The following COPE variants were observed in gnomAD, a reference collection of about 807,000 sequenced individuals.
The protein encoded by COPE is coat protein complex I subunit epsilon, also known as coatomer subunit epsilon.
In COPE, 19 loss-of-function variants were observed where a neutral mutation model predicts 42.1. The observed-to-expected ratio is 0.45, with a 90% CI of 0.31 to 0.66. The LOEUF (loss-of-function observed/expected upper bound fraction) is 0.66, where lower values mean the gene tolerates loss of function less well. Ranked by LOEUF, COPE falls within the 30% of genes least tolerant of loss-of-function variation. The probability of loss-of-function intolerance (pLI) is 0.05; values close to 1 mark genes in which losing one functional copy is unlikely to be tolerated. For missense variants in COPE, 402 were observed against 416.1 expected, an observed-to-expected ratio of 0.97 and a Z score of 0.30; for synonymous variants, 195 against 181.3, an observed-to-expected ratio of 1.08 and a Z score of -0.60.
intron 6 of COPE, among the ~76,000 whole-genome samples, chr19:18,904,294 A>C (rs1436276693): frequency 1.3e-5 from 2 of 152,220 alleles, no homozygotes; most frequent in Non-Finnish European, 2.9e-5. Flanking sequence ...GCCCACACAA[A>C]AGAGTGGCTC....
intron 2 of COPE, among the ~76,000 whole-genome samples, chr19:18,911,537 C>A (rs1173025708): frequency 2.0e-5 from 3 of 150,420 alleles, no homozygotes; most frequent in African/African-American, 7.5e-5. Context: ...GTGTTCCCTC[C>A]TAGATGGTTC....
intron 2 of COPE, 107 bp from the exon 3 acceptor site, chr19:18,911,178 A>C: frequency 1.0e-6 from 1 of 974,326 alleles, no homozygotes; most frequent in Non-Finnish European, 1.6e-6. Flanking sequence ...CCCACCAGGG[A>C]CCCCTCAGCC....
chr19:18,919,199 C>T, intron 1 of COPE, 24 bp downstream of exon 1: 1 of 1,596,402 alleles, frequency 6.3e-7, no homozygotes, highest in Non-Finnish European at 8.6e-7. Flanking sequence ...CCCCCAGCGT[C>T]CCCGCGCCCC....
chr19:18,910,801 TGCA>T, intron 3 of COPE, 167 bp downstream of exon 3: 3 of 632,654 alleles, frequency 4.7e-6, no homozygotes, highest in South Asian at 1.8e-5. Context: ...CCCACTGCTG[TGCA>T]GGTGAGGGAA....
At chr19:18,903,450 C>G in intron 6 of COPE, 27 bp from the exon 7 acceptor site, 1 of 1,580,232 alleles carries the variant, frequency 6.3e-7, no homozygotes. Context: ...GCATCATTGC[C>G]TGTGCCCCTG....
At chr19:18,910,175 G>A (rs538509751) in intron 3 of COPE, among the ~76,000 whole-genome samples, 2 of 152,294 alleles carry the variant, frequency 1.3e-5, no homozygotes, top group Admixed American at 1.3e-4. Flanking sequence ...GGTCCCCACA[G>A]CCCAGCCCCC....
At chr19:18,912,207 C>A (rs919791591) in intron 2 of COPE, among the ~76,000 whole-genome samples, 1 of 151,830 alleles carries the variant, frequency 6.6e-6, no homozygotes, top group African/African-American at 2.4e-5. Flanking sequence ...AGTGCAATGG[C>A]GTGATCACGG....
rs1431538297 is a variant in COPE at position 18,904,800 on chromosome 19, G to A, written c.550C>T (p.Leu184Phe). The A allele has an allele frequency of 5.1e-6, 8 of 1,554,854 alleles. No homozygotes were observed. Among genetic ancestry groups the A allele is most frequent in the Non-Finnish European group, 7.0e-6 (8 of 1,148,866 alleles). Residue 184 changes from leucine to phenylalanine, a missense_variant, in exon 6 of 10, where the codon CTC becomes TTC. Transcript: ENST00000262812. ...GCCAGGCTGACCCAGGCAGTGGCGA[G>A]CTGGGTGAGGGTGGCATCCTCGTCC... ...DLDEDATLTQ[L>F]ATAWVSLATG...
intron 2 of COPE, 123 bp downstream of exon 2, chr19:18,912,861 C>G: frequency 1.1e-6 from 1 of 895,268 alleles, no homozygotes. Context: ...TCACTGAACA[C>G]TGCAGGCCTG....
intron 1 of COPE, among the ~76,000 whole-genome samples, chr19:18,916,562 G>C (rs1240828995): frequency 6.6e-6 from 1 of 152,118 alleles, no homozygotes; most frequent in African/African-American, 2.4e-5. Flanking sequence ...GGCTGAGGCA[G>C]GCGGATCATG....
chr19:18,908,808 C>T (rs536521122), intron 3 of COPE, among the ~76,000 whole-genome samples: 1 of 151,846 alleles, frequency 6.6e-6, no homozygotes, highest in East Asian at 2.0e-4. Context: ...TGAGCCACTG[C>T]GCCCGGCCAG....
chr19:18,904,356 G>T (rs1220168219), intron 6 of COPE, among the ~76,000 whole-genome samples: 1 of 152,240 alleles, frequency 6.6e-6, no homozygotes, highest in Admixed American at 6.5e-5. Flanking sequence ...CCGGGCGGAG[G>T]TGCCCAGGCC....
At chr19:18,900,356 G>C in intron 8 of COPE, 25 bp downstream of exon 8, 1 of 1,540,530 alleles carries the variant, frequency 6.5e-7, no homozygotes, top group Non-Finnish European at 8.8e-7. Flanking sequence ...ATTAGGGTTG[G>C]CCTGGAGCCC....
At chr19:18,902,981 C>G (rs888679995) in intron 7 of COPE, among the ~76,000 whole-genome samples, 96 of 151,684 alleles carry the variant, frequency 6.3e-4, no homozygotes, top group African/African-American at 2.2e-3. Context: ...GTGAGGGGTC[C>G]CACTTGCAGG....
At chr19:18,909,510 G>A (rs2056791342) in intron 3 of COPE, among the ~76,000 whole-genome samples, 2 of 141,224 alleles carry the variant, frequency 1.4e-5, no homozygotes, top group African/African-American at 5.5e-5. Flanking sequence ...AACTCTGTGG[G>A]CCTCTTTCCT....
intron 1 of COPE, among the ~76,000 whole-genome samples, chr19:18,917,741 T>A (rs570217880): frequency 1.3e-5 from 2 of 151,368 alleles, no homozygotes; most frequent in East Asian, 1.9e-4. Context: ...AGAGAGAGAG[T>A]GGGAAGAAAA....
At chr19:18,912,461 GA>G (rs57706060) in intron 2 of COPE, among the ~76,000 whole-genome samples, 176 of 141,292 alleles carry the variant, frequency 1.2e-3, no homozygotes, top group Admixed American at 4.6e-3. Context: ...ATTATTTTAG[GA>G]AAAAAAAAAA....
chr19:18,909,821 A>C (rs867080641), intron 3 of COPE, among the ~76,000 whole-genome samples: 4 of 151,978 alleles, frequency 2.6e-5, no homozygotes, highest in African/African-American at 7.2e-5. Flanking sequence ...CCCTCCTTTT[A>C]TCTCTTAAAA....
intron 7 of COPE, among the ~76,000 whole-genome samples, chr19:18,902,065 A>G (rs1168807756): frequency 6.6e-6 from 1 of 151,682 alleles, no homozygotes; most frequent in East Asian, 1.9e-4. Context: ...CTGTAGTCCC[A>G]GCTACTCGGG....
Sources: allele counts gnomAD v4.1 joint callset (sites outside exome capture counted in the v4.1 genomes callset), GRCh38; gene constraint gnomAD v4.1.1; transcripts MANE v1.5; gene names NCBI Gene and HGNC (gene_info 2026-07-23, HGNC 2026-07-21).